The following REDIC1 variants were observed in gnomAD, a reference collection of about 807,000 sequenced individuals.
REDIC1 encodes HEI10 Interacting Protein 1.
the REDIC1 span, among the ~76,000 whole-genome samples, chr12:39,710,254 A>G: frequency 1.5e-4 from 23 of 151,964 alleles, no homozygotes; most frequent in East Asian, 4.1e-3. Flanking sequence ...TAGAGAGATA[A>G]TGTGTGTATA....
the REDIC1 span, among the ~76,000 whole-genome samples, chr12:39,899,005 T>C: frequency 5.1e-4 from 78 of 152,298 alleles, no homozygotes; most frequent in African/African-American, 1.7e-3. Context: ...TAAAATGAGT[T>C]AGGGAGGATT....
At chr12:39,759,744 G>T in the REDIC1 span, 1 of 333,996 alleles carries the variant, frequency 3.0e-6, no homozygotes, top group African/African-American at 2.2e-5. Flanking sequence ...GAAGTCACTG[G>T]GTACAATATT....
the REDIC1 span, among the ~76,000 whole-genome samples, chr12:39,723,631 G>A: frequency 6.6e-6 from 1 of 151,934 alleles, no homozygotes; most frequent in Non-Finnish European, 1.5e-5. Flanking sequence ...CTACCCAGAT[G>A]AAACAAAATG....
At chr12:39,699,187 A>G in the REDIC1 span, among the ~76,000 whole-genome samples, 5 of 152,170 alleles carry the variant, frequency 3.3e-5, no homozygotes, top group Admixed American at 6.5e-5. Context: ...CATCTGAGGT[A>G]TTGGGTTCAT....
the REDIC1 span, among the ~76,000 whole-genome samples, chr12:39,894,391 CTTA>C: frequency 2.6e-5 from 4 of 152,282 alleles, no homozygotes; most frequent in South Asian, 8.3e-4. Flanking sequence ...TTTTCTTAAA[CTTA>C]TTATTTCACC....
the REDIC1 span, among the ~76,000 whole-genome samples, chr12:39,747,121 C>A: frequency 2.0e-5 from 3 of 152,090 alleles, no homozygotes; most frequent in African/African-American, 7.2e-5. Context: ...GATGATCAGA[C>A]TTCTCTGAGC....
At chr12:39,713,922 TATTAA>T in the REDIC1 span, among the ~76,000 whole-genome samples, 832 of 148,558 alleles carry the variant, frequency 5.6e-3, 8 homozygotes, top group African/African-American at 0.019. Flanking sequence ...TATATGTATA[TATTAA>T]ATTATGTGCA....
the REDIC1 span, among the ~76,000 whole-genome samples, chr12:39,638,447 A>C: frequency 6.6e-6 from 1 of 152,086 alleles, no homozygotes; most frequent in Admixed American, 6.6e-5. Context: ...AAAACTGCCT[A>C]GACTTCCTTG....
At chr12:39,689,277 C>T in the REDIC1 span, among the ~76,000 whole-genome samples, 1 of 152,178 alleles carries the variant, frequency 6.6e-6, no homozygotes, top group Admixed American at 6.5e-5. Context: ...TGCCTGCTTA[C>T]CAGAAACACT....
the REDIC1 span, among the ~76,000 whole-genome samples, chr12:39,786,994 TTA>T: frequency 1.8e-5 from 1 of 55,916 alleles, no homozygotes; most frequent in African/African-American, 6.2e-5. Flanking sequence ...TTTCTTTTTT[TTA>T]AAAAAATAAT....
the REDIC1 span, among the ~76,000 whole-genome samples, chr12:39,712,445 TATAC>T: frequency 2.9e-4 from 13 of 45,416 alleles, no homozygotes; most frequent in Admixed American, 7.0e-4. Context: ...TACGTATATG[TATAC>T]ATACGTATAT....
At chr12:39,636,303 G>A in the REDIC1 span, among the ~76,000 whole-genome samples, 1 of 151,796 alleles carries the variant, frequency 6.6e-6, no homozygotes, top group South Asian at 2.1e-4. Context: ...TTGGTTTAAC[G>A]TTTTTTTCCT....
chr12:39,669,125 C>T, the REDIC1 span, among the ~76,000 whole-genome samples: 215 of 152,280 alleles, frequency 1.4e-3, 1 homozygote, highest in African/African-American at 4.6e-3. Flanking sequence ...GTAGGAGAGA[C>T]GCTCTGATTT....
chr12:39,665,891 A>G, the REDIC1 span, among the ~76,000 whole-genome samples: 4 of 152,108 alleles, frequency 2.6e-5, no homozygotes, highest in Non-Finnish European at 5.9e-5. Context: ...TTGGTGTATA[A>G]GAATGCTTGT....
chr12:39,719,959 T>C, the REDIC1 span, among the ~76,000 whole-genome samples: 1 of 152,094 alleles, frequency 6.6e-6, no homozygotes, highest in African/African-American at 2.4e-5. Flanking sequence ...CTAAAGCCTA[T>C]ACCCCTTTTT....
At chr12:39,869,534 G>C in the REDIC1 span, among the ~76,000 whole-genome samples, 3 of 152,322 alleles carry the variant, frequency 2.0e-5, no homozygotes, top group Middle Eastern at 6.8e-3. Flanking sequence ...AGTGTTTGTA[G>C]TGGGCAGAAC....
chr12:39,899,880 T>A, the REDIC1 span, among the ~76,000 whole-genome samples: 1 of 152,108 alleles, frequency 6.6e-6, no homozygotes, highest in Non-Finnish European at 1.5e-5. Context: ...TTACATTTGC[T>A]GAGGAGAGCT....
At chr12:39,660,630 C>T in the REDIC1 span, among the ~76,000 whole-genome samples, 2 of 152,190 alleles carry the variant, frequency 1.3e-5, no homozygotes, top group Admixed American at 6.5e-5. Flanking sequence ...TCCATCACCA[C>T]AACCATTGAT....
At chr12:39,695,242 G>T in the REDIC1 span, among the ~76,000 whole-genome samples, 1 of 152,184 alleles carries the variant, frequency 6.6e-6, no homozygotes, top group East Asian at 1.9e-4. Flanking sequence ...AGGGGACTTT[G>T]TCTTGCACCT....
Sources: gnomAD v4.1 joint callset for allele counts (sites outside exome capture counted in the v4.1 genomes callset) on GRCh38, gnomAD v4.1.1 for gene constraint, MANE v1.5 for transcripts, NCBI Gene and HGNC (gene_info 2026-07-23, HGNC 2026-07-21) for gene names.